Variants in COMMD10 observed in about 807,000 individuals in gnomAD.
The protein encoded by COMMD10 is COMM domain containing 10, also known as COMM domain-containing protein 10.
COMMD10 carries 33 observed loss-of-function variants against 28.9 expected under a neutral mutation model. The ratio of observed to expected loss-of-function variants is 1.14; its 90% confidence interval spans 0.87 to 1.53. The LOEUF (loss-of-function observed/expected upper bound fraction) is 1.53. COMMD10 is among the 40% of genes most tolerant of loss of function. The pLI, the probability that COMMD10 is intolerant of heterozygous loss-of-function variation, is 0.00. For missense variants in COMMD10, 310 were observed against 233.4 expected (o/e 1.33, Z -2.14); for synonymous variants, 110 against 81.7 (o/e 1.35, Z -1.87).
intron 5 of COMMD10, among the ~76,000 whole-genome samples, chr5:116,280,699 T>C (rs1751046293): frequency 6.6e-6 from 1 of 151,866 alleles, no homozygotes; most frequent in Non-Finnish European, 1.5e-5. Flanking sequence ...TTATTTAGCC[T>C]ATGGTGGAGC....
intron 5 of COMMD10, 82 bp downstream of exon 5, chr5:116,134,260 G>C: frequency 1.4e-6 from 1 of 735,318 alleles, no homozygotes; most frequent in Non-Finnish European, 2.3e-6. Context: ...TTTGCTCTCT[G>C]GATTTAGAAT....
At chr5:116,113,624 T>G (rs1269823757) in intron 4 of COMMD10, among the ~76,000 whole-genome samples, 2 of 152,064 alleles carry the variant, frequency 1.3e-5, no homozygotes, top group Non-Finnish European at 2.9e-5. Context: ...CAGTGAATTT[T>G]TTAGTTCCAG....
At chr5:116,164,347 C>A (rs1207986935) in intron 5 of COMMD10, among the ~76,000 whole-genome samples, 1 of 151,780 alleles carries the variant, frequency 6.6e-6, no homozygotes, top group East Asian at 1.9e-4. Flanking sequence ...AAATAAAAAA[C>A]CACTCTGGAT....
chr5:116,089,688 A>T (rs569139385), intron 2 of COMMD10, among the ~76,000 whole-genome samples: 1 of 152,266 alleles, frequency 6.6e-6, no homozygotes, highest in African/African-American at 2.4e-5. Flanking sequence ...GAGGTAGGGG[A>T]GTGGAGAGGA....
intron 5 of COMMD10, among the ~76,000 whole-genome samples, chr5:116,183,995 A>G (rs1178105447): frequency 6.6e-6 from 1 of 152,136 alleles, no homozygotes; most frequent in East Asian, 1.9e-4. Flanking sequence ...TATTTTAATC[A>G]GTCATCCGTT....
chr5:116,268,496 A>G (rs190372), intron 5 of COMMD10, among the ~76,000 whole-genome samples: 6 of 152,016 alleles, frequency 3.9e-5, no homozygotes, highest in African/African-American at 9.7e-5. Flanking sequence ...CTTTTACACT[A>G]TTGGTGAGAC....
At chr5:116,219,272 C>G (rs1251413216) in intron 5 of COMMD10, among the ~76,000 whole-genome samples, 2 of 152,084 alleles carry the variant, frequency 1.3e-5, no homozygotes, top group Non-Finnish European at 2.9e-5. Context: ...CCTAGCAAAC[C>G]GATACATACA....
At chr5:116,290,870 A>T (rs1026887707) in intron 5 of COMMD10, among the ~76,000 whole-genome samples, 3 of 152,172 alleles carry the variant, frequency 2.0e-5, no homozygotes, top group African/African-American at 4.8e-5. Flanking sequence ...TTAATATCAT[A>T]CTTTACTACA....
At chr5:116,288,868 C>T (rs1238137594) in intron 5 of COMMD10, among the ~76,000 whole-genome samples, 3 of 132,032 alleles carry the variant, frequency 2.3e-5, no homozygotes, top group Non-Finnish European at 1.6e-5. Context: ...TTGGTGTTCT[C>T]TCTCTTTTTT....
At chr5:116,189,499 T>C (rs1356721557) in intron 5 of COMMD10, among the ~76,000 whole-genome samples, 1 of 152,192 alleles carries the variant, frequency 6.6e-6, no homozygotes, top group Non-Finnish European at 1.5e-5. Context: ...CCAAGTCTGT[T>C]TCTTCAGCTT....
intron 5 of COMMD10, among the ~76,000 whole-genome samples, chr5:116,222,212 A>G (rs13174581): frequency 0.086 from 13,026 of 152,280 alleles, 723 homozygotes; most frequent in Non-Finnish European, 0.13. Flanking sequence ...CTGTTACTCT[A>G]TTCTCATGAA....
chr5:116,170,244 A>G lies in COMMD10; in HGVS notation c.510+36066A>G, dbSNP rs139399238. On this transcript the variant is annotated intron_variant, in intron 5 of 6. Transcript: ENST00000274458. The stretch of plus-strand genomic sequence containing the variant: ...GAGCAAACTCCCATTCACAATTGCT[A>G]CAGAGAGAACAAAATATCTAGAAAT... 1.4e-3 allele frequency among the ~76,000 whole-genome samples: 210 copies of G among 152,270 alleles called. 1 individual carries two copies. The highest frequency in any genetic ancestry group is 4.8e-3 in the African/African-American group (199 of 41,566).
chr5:116,278,276 A>T (rs1021191698), intron 5 of COMMD10, among the ~76,000 whole-genome samples: 1 of 151,830 alleles, frequency 6.6e-6, no homozygotes, highest in Non-Finnish European at 1.5e-5. Flanking sequence ...AAATAATCAT[A>T]TTCAAAACCT....
Position 116,290,755 on chromosome 5 carries a change from G to A in COMMD10, c.511-762G>A, listed in dbSNP as rs780214613. 5.2e-4 allele frequency among the ~76,000 whole-genome samples: 78 copies of A among 149,722 alleles called. 1 individual carries two copies. The highest frequency in any genetic ancestry group is 6.6e-4 in the Admixed American group (10 of 15,134). On this transcript the variant is annotated intron_variant, in intron 5 of 6. Transcript: ENST00000274458. ...TTTCACTTCTTCAGAGGGACCTTGA[G>A]TAAAATAAACACATTTGAGCAGTCT...
intron 5 of COMMD10, among the ~76,000 whole-genome samples, chr5:116,145,761 C>G (rs555658608): frequency 2.0e-5 from 3 of 151,750 alleles, no homozygotes; most frequent in African/African-American, 4.8e-5. Flanking sequence ...TGAGTTCTCA[C>G]GAGATGTGAT....
rs1751439507 is a variant in COMMD10 at position 116,121,653 on chromosome 5, G to A, written c.400-12415G>A. 2.0e-5 allele frequency among the ~76,000 whole-genome samples: 3 copies of A among 152,240 alleles called. No individual in the cohort carries two copies. In the South Asian group the frequency reaches 6.2e-4, roughly 32 times the overall value. Reference sequence around the variant, plus strand: ...TCCTCTTCAGCATCTGTTGTTTCCTGACTTTTTAATGATCGCCATTCTAAC... The same window carrying A: ...TCCTCTTCAGCATCTGTTGTTTCCTAACTTTTTAATGATCGCCATTCTAAC... On this transcript the variant is annotated intron_variant, in intron 4 of 6. Transcript: ENST00000274458.
At chr5:116,102,670 T>A (rs776802698) in intron 4 of COMMD10, among the ~76,000 whole-genome samples, 13 of 152,156 alleles carry the variant, frequency 8.5e-5, no homozygotes, top group Non-Finnish European at 1.6e-4. Context: ...TAATAATAAT[T>A]CTTTTTATTA....
intron 5 of COMMD10, among the ~76,000 whole-genome samples, chr5:116,224,170 A>T (rs1176259997): frequency 2.0e-5 from 3 of 152,160 alleles, no homozygotes; most frequent in Non-Finnish European, 4.4e-5. Flanking sequence ...AATTGAACCA[A>T]TGTATCTTTT....
intron 5 of COMMD10, among the ~76,000 whole-genome samples, chr5:116,173,569 A>G (rs530415011): frequency 2.5e-4 from 38 of 152,272 alleles, no homozygotes; most frequent in South Asian, 1.9e-3. Context: ...TTCATCCTCT[A>G]TAATGAAGTA....
Sources: allele counts gnomAD v4.1 joint callset (sites outside exome capture counted in the v4.1 genomes callset), GRCh38; gene constraint gnomAD v4.1.1; transcripts MANE v1.5; gene names NCBI Gene and HGNC (gene_info 2026-07-23, HGNC 2026-07-21).